RERE: variants seen among roughly 807,000 people sequenced by gnomAD.
RERE encodes arginine-glutamic acid dipeptide repeats protein.
RERE carries 40 observed loss-of-function variants against 146.1 expected under a neutral mutation model. That is an observed-to-expected ratio of 0.27 (90% CI 0.21 to 0.36). The LOEUF (loss-of-function observed/expected upper bound fraction) is 0.36, where lower values mean the gene tolerates loss of function less well. RERE is among the 10% of genes least tolerant of loss of function. The pLI, the probability that RERE is intolerant of heterozygous loss-of-function variation, is 1.00. For synonymous variants in RERE, 1,003 were observed against 866.0 expected (o/e 1.16, Z -2.78); for missense variants, 1,933 against 2,138.7 (o/e 0.90, Z 1.90).
chr1:8,682,407 T>C (rs1054177518), intron 1 of RERE, among the ~76,000 whole-genome samples: 2 of 152,222 alleles, frequency 1.3e-5, no homozygotes, highest in African/African-American at 2.4e-5. Context: ...TCTGAGGTAC[T>C]ATGAAAATAT....
At chr1:8,724,657 C>T (rs943994436) in intron 1 of RERE, among the ~76,000 whole-genome samples, 2 of 151,764 alleles carry the variant, frequency 1.3e-5, no homozygotes, top group Admixed American at 6.6e-5. Context: ...CCAGCGACCC[C>T]GTCGCTACTA....
chr1:8,632,010 C>CA (rs1250642609), intron 2 of RERE, among the ~76,000 whole-genome samples: 4 of 152,154 alleles, frequency 2.6e-5, no homozygotes, highest in Non-Finnish European at 5.9e-5. Flanking sequence ...ATTCTATCCT[C>CA]AATTTAACGA....
At chr1:8,419,857 C>T (rs1464705602) in intron 12 of RERE, among the ~76,000 whole-genome samples, 16 of 152,146 alleles carry the variant, frequency 1.1e-4, no homozygotes, top group Admixed American at 9.8e-4. Flanking sequence ...CAGCAAGTAA[C>T]GACGTACAGG....
rs1644107160 is a variant in RERE, at chr1:8,432,372, C to CA, written c.1204-9566dup. ...ACTCAACTAACATTCATTGAGCCCTCATTCTAGTGAACACACTGTGCAAAG... is the reference window on the plus strand; with the variant it reads ...ACTCAACTAACATTCATTGAGCCCTCAATTCTAGTGAACACACTGTGCAAAG... On this transcript the variant is annotated intron_variant, in intron 11 of 22. Coordinates refer to ENST00000400908, the MANE Select transcript of RERE (RefSeq NM_001042681.2). Among the ~76,000 whole-genome samples, 4 of 152,242 alleles carry CA rather than the reference C, an allele frequency of 2.6e-5. 1 individual carries two copies. In the South Asian group the frequency reaches 8.3e-4, roughly 32 times the overall value.
intron 1 of RERE, among the ~76,000 whole-genome samples, chr1:8,733,578 G>A (rs1274665817): frequency 1.3e-5 from 2 of 152,170 alleles, no homozygotes; most frequent in African/African-American, 4.8e-5. Context: ...CATGTGCAAG[G>A]AACTGAAGCT....
chr1:8,552,753 A>G (rs1645951967), intron 6 of RERE, among the ~76,000 whole-genome samples: 1 of 152,232 alleles, frequency 6.6e-6, no homozygotes, highest in Non-Finnish European at 1.5e-5. Flanking sequence ...GGACAGGCAA[A>G]GCTTCTTTCA....
At chr1:8,786,072 A>G in intron 1 of RERE, 3 of 409,560 alleles carry the variant, frequency 7.3e-6, no homozygotes, top group Admixed American at 3.6e-5. Context: ...GTCTGGCCAC[A>G]CTCCTCATCA....
At position 8,355,495 on chromosome 1, in the gene RERE, C is replaced by A. The variant is rs762564525; in HGVS notation, c.4591G>T (p.Ala1531Ser). The A allele has an allele frequency of 1.5e-5, 24 of 1,612,732 alleles. No individual in the cohort carries two copies. Among genetic ancestry groups the A allele is most frequent in the Non-Finnish European group, 1.8e-5 (21 of 1,179,916 alleles). The change falls in exon 22 of 23, where the codon GCC becomes TCC. Residue 1531 changes from alanine (A) to serine (S), a missense_variant. This residue lies in a region of RERE where 133 missense variants were observed against 168.6 expected (regional missense o/e 0.79). Coordinates refer to ENST00000400908, the MANE Select transcript of RERE (RefSeq NM_001042681.2). ...CCATGCAGCCACTGCTGCTCCATGG[C>A]CAGTCTCTGCAGCTCGGCCGACTGG... ...HAQSAELQRL[A>S]MEQQWLHGHP...
At chr1:8,455,703 T>C (rs190050784) in intron 11 of RERE, among the ~76,000 whole-genome samples, 381 of 152,312 alleles carry the variant, frequency 2.5e-3, no homozygotes, top group African/African-American at 9.0e-3. Context: ...TCAAATGATA[T>C]TTTCTTATTA....
At chr1:8,801,600 A>T (rs1342982561) in intron 1 of RERE, among the ~76,000 whole-genome samples, 1 of 152,200 alleles carries the variant, frequency 6.6e-6, no homozygotes, top group African/African-American at 2.4e-5. Flanking sequence ...AAAAGATATC[A>T]TTGTACACAT....
chr1:8,383,812 T>C (rs1032993343), intron 12 of RERE, among the ~76,000 whole-genome samples: 1 of 151,802 alleles, frequency 6.6e-6, no homozygotes, highest in African/African-American at 2.4e-5. Context: ...TGAGCTGAGA[T>C]TGCGCCACTG....
chr1:8,637,998 A>T (rs1033608524), intron 2 of RERE, among the ~76,000 whole-genome samples: 1 of 152,364 alleles, frequency 6.6e-6, no homozygotes, highest in Admixed American at 6.5e-5. Context: ...ACAACACAGA[A>T]CTAGTTAAAC....
chr1:8,578,059 C>G (rs910568308), intron 4 of RERE, among the ~76,000 whole-genome samples: 17 of 151,802 alleles, frequency 1.1e-4, no homozygotes, highest in Non-Finnish European at 2.4e-4. Context: ...CCATTGCACT[C>G]CAGCCTGGAT....
At chr1:8,610,420 C>A (rs923623897) in intron 4 of RERE, among the ~76,000 whole-genome samples, 3 of 151,942 alleles carry the variant, frequency 2.0e-5, no homozygotes, top group Admixed American at 1.3e-4. Context: ...GAAACCCTAT[C>A]TCTACTAAAA....
chr1:8,597,552 T>G (rs1399934959), intron 4 of RERE, among the ~76,000 whole-genome samples: 1 of 152,182 alleles, frequency 6.6e-6, no homozygotes, highest in Non-Finnish European at 1.5e-5. Context: ...TAAAATTCCA[T>G]AATTAAAACA....
chr1:8,605,124 CTCTT>C (rs1646686057), intron 4 of RERE, among the ~76,000 whole-genome samples: 1 of 152,118 alleles, frequency 6.6e-6, no homozygotes, highest in Non-Finnish European at 1.5e-5. Context: ...GACAAATCAA[CTCTT>C]TCCCAACTTT....
intron 12 of RERE, among the ~76,000 whole-genome samples, chr1:8,403,824 G>GTTTTTTT (rs1557613523): frequency 3.5e-5 from 2 of 57,806 alleles, no homozygotes; most frequent in African/African-American, 6.1e-5. Context: ...TAAAATCTTA[G>GTTTTTTT]CTTTTTTTTT....
intron 1 of RERE, among the ~76,000 whole-genome samples, chr1:8,684,233 C>T (rs1401982490): frequency 6.6e-6 from 1 of 152,066 alleles, no homozygotes; most frequent in African/African-American, 2.4e-5. Context: ...GTGCAAAAAG[C>T]CTTCATTTTA....
chr1:8,460,784 A>G (rs920388440), intron 11 of RERE, among the ~76,000 whole-genome samples: 1 of 152,268 alleles, frequency 6.6e-6, no homozygotes, highest in South Asian at 2.1e-4. Flanking sequence ...CAACATGAAA[A>G]TAATTTTAAA....
Sources: gnomAD v4.1 joint callset for allele counts (sites outside exome capture counted in the v4.1 genomes callset) on GRCh38, gnomAD v4.1.1 for gene constraint, gnomAD v4.1.1 regional missense constraint, MANE v1.5 for transcripts, NCBI Gene and HGNC (gene_info 2026-07-23, HGNC 2026-07-21) for gene names.